The following WDFY4 variants were observed in gnomAD, a reference collection of about 807,000 sequenced individuals.
The protein encoded by WDFY4 is WD repeat- and FYVE domain-containing protein 4.
In WDFY4, 169 loss-of-function variants were observed where a neutral mutation model predicts 351.9. The observed-to-expected ratio is 0.48, with a 90% CI of 0.42 to 0.55. The LOEUF is 0.55. Among genes scored for constraint, WDFY4 ranks in the 20% least tolerant of loss-of-function variants. WDFY4 has a pLI of 0.00. For synonymous variants in WDFY4, 1,622 were observed against 1,574.6 expected, an observed-to-expected ratio of 1.03 and a Z score of -0.71; for missense variants, 3,803 against 3,935.6, an observed-to-expected ratio of 0.97 and a Z score of 0.90.
At chr10:48,817,668 A>G (rs748475885) in intron 32 of WDFY4, among the ~76,000 whole-genome samples, 9 of 152,268 alleles carry the variant, frequency 5.9e-5, no homozygotes, top group Non-Finnish European at 1.3e-4. Context: ...TGGCAGATAA[A>G]GTCCATTGTC....
At chr10:48,686,942 C>T (rs1266336144) in intron 1 of WDFY4, among the ~76,000 whole-genome samples, 2 of 152,154 alleles carry the variant, frequency 1.3e-5, no homozygotes, top group Non-Finnish European at 2.9e-5. Flanking sequence ...GATGTCACCA[C>T]GTTGTTTTCC....
At chr10:48,920,501 A>G (rs921896596) in intron 47 of WDFY4, among the ~76,000 whole-genome samples, 1 of 152,194 alleles carries the variant, frequency 6.6e-6, no homozygotes, top group African/African-American at 2.4e-5. Context: ...ATATACCCTA[A>G]AACTTAAAGT....
intron 47 of WDFY4, among the ~76,000 whole-genome samples, chr10:48,916,855 G>T (rs1178915719): frequency 6.8e-6 from 1 of 148,128 alleles, no homozygotes; most frequent in East Asian, 2.0e-4. Context: ...AAAGTAAAAA[G>T]TCCTGCTTTA....
intron 60 of WDFY4, among the ~76,000 whole-genome samples, chr10:48,981,165 A>G (rs902940631): frequency 1.3e-5 from 2 of 152,260 alleles, no homozygotes; most frequent in Non-Finnish European, 2.9e-5. Context: ...ACATGTAACT[A>G]TCACCGCCTG....
intron 39 of WDFY4, among the ~76,000 whole-genome samples, chr10:48,854,472 AC>A (rs1305204365): frequency 6.6e-6 from 1 of 152,022 alleles, no homozygotes; most frequent in African/African-American, 2.4e-5. Context: ...CAACAGTCTC[AC>A]TAGGCGATCC....
chr10:48,857,804 C>CT (rs988763679), intron 39 of WDFY4, among the ~76,000 whole-genome samples: 4 of 149,482 alleles, frequency 2.7e-5, no homozygotes, highest in African/African-American at 9.9e-5. Context: ...ATTTTTTTTT[C>CT]TTTTTTTGAT....
At chr10:48,903,753 G>A (rs960298512) in intron 47 of WDFY4, among the ~76,000 whole-genome samples, 51 of 151,186 alleles carry the variant, frequency 3.4e-4, no homozygotes, top group African/African-American at 1.2e-3. Flanking sequence ...ACATCATGGA[G>A]CTATTGGGCA....
intron 23 of WDFY4, 41 bp from the exon 24 acceptor site, chr10:48,796,257 G>A (rs1306125564): frequency 6.5e-7 from 1 of 1,532,330 alleles, no homozygotes; most frequent in Admixed American, 2.0e-5. Flanking sequence ...AATCTCTAAT[G>A]ATGCATTCAT....
intron 1 of WDFY4, among the ~76,000 whole-genome samples, chr10:48,691,177 G>T (rs2063183946): frequency 6.6e-6 from 1 of 152,126 alleles, no homozygotes; most frequent in Non-Finnish European, 1.5e-5. Flanking sequence ...TGTTGCCAAG[G>T]CTGTCAGGAC....
At chr10:48,836,557 G>A (rs2068401347) in intron 39 of WDFY4, among the ~76,000 whole-genome samples, 1 of 152,236 alleles carries the variant, frequency 6.6e-6, no homozygotes, top group Non-Finnish European at 1.5e-5. Context: ...TCCTTGGAGT[G>A]AGACATATGA....
intron 20 of WDFY4, among the ~76,000 whole-genome samples, chr10:48,787,897 C>T (rs1381875177): frequency 5.0e-4 from 13 of 26,096 alleles, no homozygotes; most frequent in African/African-American, 2.2e-3. Context: ...TCTTCTCCTT[C>T]TTCTTCTTCT....
At chr10:48,951,419 T>C (rs1054869846) in intron 51 of WDFY4, among the ~76,000 whole-genome samples, 7 of 152,240 alleles carry the variant, frequency 4.6e-5, no homozygotes, top group African/African-American at 1.7e-4. Flanking sequence ...AGTTCTTTTG[T>C]TCATTTGTTT....
intron 27 of WDFY4, among the ~76,000 whole-genome samples, chr10:48,806,327 A>G (rs185108750): frequency 6.6e-6 from 1 of 152,316 alleles, no homozygotes; most frequent in East Asian, 1.9e-4. Flanking sequence ...AGGCCTCCAG[A>G]ATAAAATCAG....
chr10:48,780,208 G>T (rs1354663431), intron 19 of WDFY4, 89 bp downstream of exon 19: 11 of 1,451,656 alleles, frequency 7.6e-6, no homozygotes, highest in Non-Finnish European at 9.3e-6. Context: ...CTATGTTTTT[G>T]TTGTTGTTTG....
At chr10:48,915,722 T>C (rs1838461169) in intron 47 of WDFY4, among the ~76,000 whole-genome samples, 1 of 152,044 alleles carries the variant, frequency 6.6e-6, no homozygotes, top group Admixed American at 6.6e-5. Context: ...GGTCAGAGGG[T>C]CCTACCCTGC....
chr10:48,749,199 A>G (rs1159442159), intron 12 of WDFY4, among the ~76,000 whole-genome samples: 1 of 152,202 alleles, frequency 6.6e-6, no homozygotes, highest in Non-Finnish European at 1.5e-5. Context: ...TTCATAACAC[A>G]GAGGTGACAT....
rs368931313 is a variant in WDFY4 at position 48,731,459 on chromosome 10, C to T, written c.1479C>T (p.Ile493=). 208 of 1,551,692 alleles carry T rather than the reference C, an allele frequency of 1.3e-4. No homozygotes were observed. The highest frequency in any genetic ancestry group is 1.7e-4 in the East Asian group (7 of 40,924). ...TLMALQSILS[I]AGGDPLFTDI... is the part of the protein sequence containing the mutation. ...TGGCCCTGCAGAGCATCCTCAGCAT[C>T]GCTGGTGGGGACCCCCTCTTCACCG... The change falls in exon 9 of 62, where the codon ATC becomes ATT. Residue 493 remains isoleucine (I), a synonymous_variant. Transcript: ENST00000325239.
At chr10:48,970,852 G>C (rs1388098572) in intron 57 of WDFY4, among the ~76,000 whole-genome samples, 1 of 152,208 alleles carries the variant, frequency 6.6e-6, no homozygotes, top group African/African-American at 2.4e-5. Context: ...TGAGGTGGGA[G>C]GAGGAGGAGC....
Position 48,778,771 on chromosome 10 carries a change from C to T in WDFY4, c.3336C>T (p.Ser1112=), listed in dbSNP as rs762767615. 3 of 1,551,514 alleles carry T rather than the reference C, an allele frequency of 1.9e-6. No homozygotes were observed. Among genetic ancestry groups the T allele is most frequent in the African/African-American group, 2.7e-5 (2 of 73,058 alleles). Residue 1112 remains serine (S), a synonymous_variant, in exon 18 of 62, where the codon AGC becomes AGT. Coordinates refer to ENST00000325239, the MANE Select transcript of WDFY4 (RefSeq NM_001394531.1). ...TEQPFVCFSV[S]LCPDDLSLVV... is the part of the protein sequence containing the mutation. Reference sequence around the variant, plus strand: ...AACCCTTTGTTTGCTTCTCCGTCAGCCTCTGCCCAGACGACCTCTCCTTGG... The same window carrying T: ...AACCCTTTGTTTGCTTCTCCGTCAGTCTCTGCCCAGACGACCTCTCCTTGG...
Sources: gnomAD v4.1 joint callset for allele counts (sites outside exome capture counted in the v4.1 genomes callset) on GRCh38, gnomAD v4.1.1 for gene constraint, MANE v1.5 for transcripts, NCBI Gene and HGNC (gene_info 2026-07-23, HGNC 2026-07-21) for gene names.